EBF1: variants seen among roughly 807,000 people sequenced by gnomAD.
EBF1 encodes the protein transcription factor COE1.
A neutral mutation model predicts 68.4 loss-of-function variants in EBF1; 10 were observed. That is an observed-to-expected ratio of 0.15 (90% CI 0.09 to 0.25). The LOEUF is 0.25. EBF1 is among the 10% of genes least tolerant of loss of function. EBF1 has a pLI of 1.00. For missense variants in EBF1, 509 were observed against 794.4 expected (o/e 0.64, Z 4.32); for synonymous variants, 298 against 299.8 (o/e 0.99, Z 0.06).
chr5:158,753,457 CTTAGAG>C (rs749899439), intron 10 of EBF1, among the ~76,000 whole-genome samples: 6 of 152,074 alleles, frequency 3.9e-5, no homozygotes, highest in African/African-American at 7.2e-5. Flanking sequence ...TGGCTATAAT[CTTAGAG>C]TTAGACCAAC....
At position 158,699,047 on chromosome 5, in the gene EBF1, A is replaced by G; in HGVS notation, c.*64T>C. 1 of 1,469,724 alleles carries G rather than the reference A, an allele frequency of 6.8e-7. No individual in the cohort carries two copies. Among genetic ancestry groups the G allele is most frequent in the Non-Finnish European group, 9.2e-7 (1 of 1,088,638 alleles). 91.0% of individuals were successfully genotyped at this position (1,469,724 alleles called of 1,614,324 possible). A position where few individuals can be genotyped will look rare whatever the true frequency, so the allele number is the denominator to read the frequency against. On this transcript the variant is annotated 3_prime_UTR_variant, in exon 16 of 16. Transcript: ENST00000313708. Reference sequence around the variant, plus strand: ...TTAAAAGTTCCACTCTGGGACTTGTATCAGATTACTCTCTGTAGCAGAATC... The same window carrying G: ...TTAAAAGTTCCACTCTGGGACTTGTGTCAGATTACTCTCTGTAGCAGAATC...
At chr5:158,729,415 C>A (rs1330579535) in intron 11 of EBF1, among the ~76,000 whole-genome samples, 2 of 152,260 alleles carry the variant, frequency 1.3e-5, no homozygotes, top group African/African-American at 4.8e-5. Flanking sequence ...TGGCATTGTA[C>A]CCCTGCCTTT....
chr5:158,774,744 G>A (rs1318620175), intron 10 of EBF1, among the ~76,000 whole-genome samples: 2 of 152,140 alleles, frequency 1.3e-5, no homozygotes, highest in Non-Finnish European at 2.9e-5. Context: ...GTAAATCACA[G>A]AGGCCAGTAG....
Position 159,099,353 on chromosome 5 carries a change from C to G in EBF1, c.126G>C (p.Ala42=). The part of the protein sequence containing the change: ...QGAGVLDANT[A]AQSGVGLARA... Reference sequence around the variant, plus strand: ...CCCCGCGCAGTACCCACCTCTGCGCCGCCGTGTTGGCGTCCAGCACCCCGG... The same window carrying G: ...CCCCGCGCAGTACCCACCTCTGCGCGGCCGTGTTGGCGTCCAGCACCCCGG... The change falls in exon 1 of 16, where the codon GCG becomes GCC. Residue 42 remains alanine, a synonymous_variant. Coordinates refer to ENST00000313708, the MANE Select transcript of EBF1 (RefSeq NM_024007.5). The G allele has an allele frequency of 6.3e-7, 1 of 1,587,338 alleles. No individual in the cohort carries two copies. The highest frequency in any genetic ancestry group is 8.6e-7 in the Non-Finnish European group (1 of 1,168,354).
chr5:158,878,467 A>G lies in EBF1; in HGVS notation c.555-38357T>C, dbSNP rs115893537. Among the ~76,000 whole-genome samples, 507 of 152,294 alleles carry G rather than the reference A, an allele frequency of 3.3e-3. 3 individuals are homozygous for G. Among genetic ancestry groups the G allele is most frequent in the African/African-American group, 0.012 (482 of 41,570 alleles). On this transcript the variant is annotated intron_variant, in intron 6 of 15. Transcript: ENST00000313708. ...ATTTACTGAATCCTTATTGTGGGCC[A>G]GGTGCCCTGCTAAATGCTATGTCTC...
intron 6 of EBF1, among the ~76,000 whole-genome samples, chr5:158,959,088 T>C (rs1308655038): frequency 1.3e-5 from 2 of 152,066 alleles, no homozygotes; most frequent in African/African-American, 4.8e-5. Flanking sequence ...CTTCAGTGAA[T>C]TTGCATTTTC....
At chr5:158,921,501 C>T (rs1338470293) in intron 6 of EBF1, among the ~76,000 whole-genome samples, 1 of 152,154 alleles carries the variant, frequency 6.6e-6, no homozygotes, top group African/African-American at 2.4e-5. Flanking sequence ...GTGAAATAAC[C>T]TTTCTTTAAT....
chr5:159,030,559 A>T (rs560170162), intron 6 of EBF1, among the ~76,000 whole-genome samples: 1 of 152,272 alleles, frequency 6.6e-6, no homozygotes, highest in Non-Finnish European at 1.5e-5. Context: ...CCTTACAGGG[A>T]CAACAGGATC....
At chr5:158,824,866 T>C (rs1339268932) in intron 7 of EBF1, among the ~76,000 whole-genome samples, 1 of 152,244 alleles carries the variant, frequency 6.6e-6, no homozygotes, top group African/African-American at 2.4e-5. Flanking sequence ...TGAATTTCCT[T>C]TCCCAGAGCC....
chr5:159,015,101 A>T lies in EBF1; in HGVS notation c.554+58295T>A, dbSNP rs4244439. On this transcript the variant is annotated intron_variant, in intron 6 of 15. Transcript: ENST00000313708. Reference sequence around the variant, plus strand: ...GAATCTAACTATGGCTGATGCAGTCACCTAAAGAAAGGCATGGAACACTGA... The same window carrying T: ...GAATCTAACTATGGCTGATGCAGTCTCCTAAAGAAAGGCATGGAACACTGA... Among the ~76,000 whole-genome samples, 20 of 152,284 alleles carry T rather than the reference A, an allele frequency of 1.3e-4. No homozygotes were observed. The East Asian group carries it at 3.5e-3, about 26-fold the overall frequency.
At chr5:159,046,032 C>A (rs1244261570) in intron 6 of EBF1, among the ~76,000 whole-genome samples, 3 of 152,118 alleles carry the variant, frequency 2.0e-5, no homozygotes, top group Non-Finnish European at 4.4e-5. Flanking sequence ...CATTACTATC[C>A]CAGTAACTTC....
chr5:158,792,932 AC>A (rs753728509), intron 9 of EBF1, among the ~76,000 whole-genome samples: 22 of 152,188 alleles, frequency 1.4e-4, no homozygotes, highest in Admixed American at 5.9e-4. Context: ...CTGTTAAGGC[AC>A]CCCCAGCACA....
intron 6 of EBF1, among the ~76,000 whole-genome samples, chr5:159,018,104 A>G (rs1423784786): frequency 6.6e-6 from 1 of 151,446 alleles, no homozygotes; most frequent in Non-Finnish European, 1.5e-5. Context: ...CTCACACTGG[A>G]CATTTAAGGA....
intron 6 of EBF1, among the ~76,000 whole-genome samples, chr5:159,058,059 T>G (rs1438578897): frequency 6.6e-6 from 1 of 152,216 alleles, no homozygotes; most frequent in South Asian, 2.1e-4. Flanking sequence ...AGGGATGAGA[T>G]TCTGACAGTG....
Position 158,808,822 on chromosome 5 carries a change from C to T in EBF1, c.779-12347G>A, listed in dbSNP as rs112539050. 3.2e-3 allele frequency among the ~76,000 whole-genome samples: 480 copies of T among 152,182 alleles called. 8 individuals are homozygous for T. Among genetic ancestry groups the T allele is most frequent in the East Asian group, 2.3e-3 (12 of 5,176 alleles). On this transcript the variant is annotated intron_variant, in intron 8 of 15. Transcript: ENST00000313708. ...ACCAGCTTCCCAAATCCACTGTCTC[C>T]AAACATCCTTTGCATGTTCCCAGCA...
At chr5:158,834,587 G>T (rs1289461174) in intron 7 of EBF1, among the ~76,000 whole-genome samples, 1 of 151,810 alleles carries the variant, frequency 6.6e-6, no homozygotes, top group Non-Finnish European at 1.5e-5. Flanking sequence ...GCCCAGCTCT[G>T]CAGAAAGTGA....
chr5:158,845,107 C>T (rs1336072148), intron 6 of EBF1, among the ~76,000 whole-genome samples: 7 of 152,118 alleles, frequency 4.6e-5, no homozygotes, highest in African/African-American at 1.7e-4. Context: ...CGGCGTAAGA[C>T]CTAGAACCCA....
chr5:158,926,231 GCTCA>G (rs1809665641), intron 6 of EBF1, among the ~76,000 whole-genome samples: 3 of 152,072 alleles, frequency 2.0e-5, no homozygotes, highest in Non-Finnish European at 1.5e-5. Flanking sequence ...AAGCACCCTA[GCTCA>G]TTTCTATTTA....
chr5:158,890,396 C>T (rs910983577), intron 6 of EBF1, among the ~76,000 whole-genome samples: 7 of 152,202 alleles, frequency 4.6e-5, no homozygotes, highest in Non-Finnish European at 1.0e-4. Flanking sequence ...AAACAAATAG[C>T]CACCAGCCAC....
Sources: allele counts gnomAD v4.1 joint callset (sites outside exome capture counted in the v4.1 genomes callset), GRCh38; gene constraint gnomAD v4.1.1; transcripts MANE v1.5; gene names NCBI Gene and HGNC (gene_info 2026-07-23, HGNC 2026-07-21).